The following RGS5 variants were observed in gnomAD, a reference collection of about 807,000 sequenced individuals.
The protein encoded by RGS5 is regulator of G protein signaling 5, also known as regulator of G-protein signalling 5.
In RGS5, 20 loss-of-function variants were observed where a neutral mutation model predicts 18.9. That is an observed-to-expected ratio of 1.06 (90% CI 0.74 to 1.54). The LOEUF is 1.54. RGS5 is among the 40% of genes most tolerant of loss of function. RGS5 has a pLI of 0.00. For missense variants in RGS5, 201 were observed against 211.8 expected (o/e 0.95, Z 0.32); for synonymous variants, 57 against 76.2 (o/e 0.75, Z 1.31).
intron 2 of RGS5, among the ~76,000 whole-genome samples, chr1:163,279,586 A>G (rs1053053350): frequency 6.6e-6 from 1 of 152,024 alleles, no homozygotes; most frequent in Non-Finnish European, 1.5e-5. Flanking sequence ...GATTTCAAAT[A>G]AACAAGGCAC....
intron 2 of RGS5, among the ~76,000 whole-genome samples, chr1:163,226,232 C>G (rs149012746): frequency 1.3e-5 from 2 of 151,942 alleles, no homozygotes; most frequent in African/African-American, 4.8e-5. Flanking sequence ...AGGTCAAAAT[C>G]GCAAGTAATT....
chr1:163,269,024 T>C (rs1347920820), intron 2 of RGS5, among the ~76,000 whole-genome samples: 2 of 152,128 alleles, frequency 1.3e-5, no homozygotes, highest in African/African-American at 4.8e-5. Context: ...ACTACTCCCA[T>C]GTAGCATCAT....
chr1:163,293,473 G>C (rs775284176), intron 2 of RGS5, among the ~76,000 whole-genome samples: 5 of 152,166 alleles, frequency 3.3e-5, no homozygotes, highest in Non-Finnish European at 7.3e-5. Flanking sequence ...CTGTCCCCAT[G>C]ATCCAGTAAC....
At chr1:163,257,737 G>C (rs962450200) in intron 2 of RGS5, among the ~76,000 whole-genome samples, 1 of 152,176 alleles carries the variant, frequency 6.6e-6, no homozygotes, top group Non-Finnish European at 1.5e-5. Flanking sequence ...TTGTAACACA[G>C]CTGGGTCTAA....
chr1:163,184,350 G>A (rs1658978329), intron 1 of RGS5, among the ~76,000 whole-genome samples: 1 of 151,482 alleles, frequency 6.6e-6, no homozygotes, highest in African/African-American at 2.4e-5. Context: ...CTGAGAACTT[G>A]GAGAAGCCAC....
At chr1:163,168,097 A>G (rs1173674613) in intron 2 of RGS5, among the ~76,000 whole-genome samples, 161 bp downstream of exon 2, 3 of 147,684 alleles carry the variant, frequency 2.0e-5, no homozygotes, top group Non-Finnish European at 4.5e-5. Flanking sequence ...GATAGTTGAG[A>G]AAAAAAAAAA....
At chr1:163,288,472 T>C (rs1168704980) in intron 2 of RGS5, among the ~76,000 whole-genome samples, 1 of 152,202 alleles carries the variant, frequency 6.6e-6, no homozygotes, top group East Asian at 1.9e-4. Context: ...ATTTTCAAAA[T>C]CTTTTTGGAC....
chr1:163,187,641 G>A (rs1659150099), intron 1 of RGS5, among the ~76,000 whole-genome samples: 1 of 152,122 alleles, frequency 6.6e-6, no homozygotes, highest in South Asian at 2.1e-4. Flanking sequence ...ACACCTGGAG[G>A]TTCCCAGAGG....
intron 1 of RGS5, among the ~76,000 whole-genome samples, chr1:163,173,948 G>C (rs753721173): frequency 2.0e-5 from 3 of 152,056 alleles, no homozygotes; most frequent in Non-Finnish European, 4.4e-5. Flanking sequence ...GTGGTGGCAG[G>C]CACCTGTAAT....
At chr1:163,303,439 A>G (rs1649615668) in intron 2 of RGS5, among the ~76,000 whole-genome samples, 1 of 152,238 alleles carries the variant, frequency 6.6e-6, no homozygotes, top group African/African-American at 2.4e-5. Context: ...TTTTAAAAAG[A>G]GATCTCTCAG....
intron 2 of RGS5, among the ~76,000 whole-genome samples, chr1:163,298,631 G>A (rs908185443): frequency 6.6e-6 from 1 of 152,100 alleles, no homozygotes; most frequent in Non-Finnish European, 1.5e-5. Flanking sequence ...CAGAAGAAGA[G>A]GTAATGGATA....
In RGS5 at chr1:163,230,382, A is replaced by G. The variant is rs1413724538; in HGVS notation, c.-280-62014T>C. On this transcript the variant is annotated intron_variant, in intron 2 of 5. Transcript: ENST00000618415. ...CTCCCCTATTAGCCAGGCCAAAAAA[A>G]GAAAAAAATGTTATAGTGATAATGC... 3.9e-5 allele frequency among the ~76,000 whole-genome samples: 6 copies of G among 152,202 alleles called. No homozygotes were observed. In the East Asian group the frequency reaches 1.2e-3, roughly 29 times the overall value.
chr1:163,172,536 T>C, intron 1 of RGS5: 1 of 1,544,268 alleles, frequency 6.5e-7, no homozygotes, highest in East Asian at 2.5e-5. Context: ...GTATTCCATT[T>C]CTTCAGAGCA....
chr1:163,145,532 T>C lies in RGS5; in HGVS notation c.*1810A>G, dbSNP rs1657097995. ...CAATGAGAACTTCATGATTGTAGCA[T>C]TGATCTGGCCTAGCTCTGGACTGCT... On this transcript the variant is annotated 3_prime_UTR_variant, in exon 5 of 5. Transcript: ENST00000313961. The C allele has an allele frequency of 6.6e-6, 1 of 152,150 alleles. No homozygotes were observed. The allele number at this position is 152,150 out of a possible 1,614,324, so 9.4% of individuals were successfully genotyped here.
At chr1:163,193,000 G>A (rs911352163) in intron 1 of RGS5, among the ~76,000 whole-genome samples, 9 of 152,214 alleles carry the variant, frequency 5.9e-5, no homozygotes, top group East Asian at 3.9e-4. Context: ...ACAGATGTTC[G>A]GCACAAGAAA....
At chr1:163,168,152 A>C in intron 2 of RGS5, 106 bp downstream of exon 2, 1 of 797,432 alleles carries the variant, frequency 1.3e-6, no homozygotes, top group Non-Finnish European at 2.1e-6. Flanking sequence ...TATGATCCTT[A>C]ATGAGTAATT....
At chr1:163,187,796 G>A (rs558845396) in intron 1 of RGS5, among the ~76,000 whole-genome samples, 2 of 152,168 alleles carry the variant, frequency 1.3e-5, no homozygotes, top group East Asian at 1.9e-4. Flanking sequence ...AGCCACTCCC[G>A]CAAATTAACT....
intron 2 of RGS5, among the ~76,000 whole-genome samples, chr1:163,303,491 C>A (rs1209492676): frequency 6.6e-6 from 1 of 152,142 alleles, no homozygotes; most frequent in East Asian, 1.9e-4. Context: ...AATTACACAC[C>A]TCTTTAAAAT....
Position 163,303,517 on chromosome 1 carries a change from C to G in RGS5, c.-281+2716G>C, listed in dbSNP as rs556086126. 2.6e-5 allele frequency among the ~76,000 whole-genome samples: 4 copies of G among 152,256 alleles called. No individual in the cohort carries two copies. In the East Asian group the frequency reaches 7.7e-4, roughly 29 times the overall value. On this transcript the variant is annotated intron_variant, in intron 2 of 5. Transcript: ENST00000618415. ...TCTTTAAAATTGGAACTTAAAAATA[C>G]AAAGTAGAATCATCAAAACGTCAGA...
Sources: allele counts gnomAD v4.1 joint callset (sites outside exome capture counted in the v4.1 genomes callset), GRCh38; gene constraint gnomAD v4.1.1; transcripts MANE v1.5; gene names NCBI Gene and HGNC (gene_info 2026-07-23, HGNC 2026-07-21).